SNORD118: variants seen among roughly 807,000 people sequenced by gnomAD.
SNORD118 encodes small nucleolar RNA, C/D box 118.
At chr17:8,173,458 G>A (rs746503581) in exon 1 of SNORD118, 64 of 763,882 alleles carry the variant, frequency 8.4e-5, no homozygotes, top group Middle Eastern at 2.7e-4. Flanking sequence ...GAAAGAATCA[G>A]ACAGGAGCAA....
chr17:8,173,490 T>C (rs750220113), exon 1 of SNORD118: 5 of 765,106 alleles, frequency 6.5e-6, no homozygotes, highest in Admixed American at 1.7e-5. Flanking sequence ...CAAGTCCTGA[T>C]TACGCAGAGA....
chr17:8,173,503 T>G (rs780174735), exon 1 of SNORD118: 7 of 765,136 alleles, frequency 9.1e-6, no homozygotes, highest in Non-Finnish European at 1.4e-5. Flanking sequence ...CGCAGAGACG[T>G]TAATCACGTT....
At chr17:8,173,579 A>G (rs201690858) in exon 1 of SNORD118, 7 of 763,926 alleles carry the variant, frequency 9.2e-6, no homozygotes, top group East Asian at 4.8e-5. Context: ...GGATTATCCC[A>G]CCTGACGATA....
exon 1 of SNORD118, chr17:8,173,560 A>AT (rs1429098042): frequency 6.5e-6 from 5 of 765,264 alleles, no homozygotes; most frequent in Non-Finnish European, 1.2e-5. Flanking sequence ...CCGGAGGAGG[A>AT]ACAGGTAAGG....
chr17:8,173,551 C>A (rs539261856), exon 1 of SNORD118: 1 of 765,142 alleles, frequency 1.3e-6, no homozygotes, highest in East Asian at 2.4e-5. Context: ...ATCTGCCCTC[C>A]GGAGGAGGAA....
At chr17:8,173,493 C>G (rs374602860) in exon 1 of SNORD118, 28 of 764,968 alleles carry the variant, frequency 3.7e-5, no homozygotes, top group Non-Finnish European at 5.7e-5. Flanking sequence ...GTCCTGATTA[C>G]GCAGAGACGT....
At position 8,173,521 on chromosome 17, in the gene SNORD118, T is replaced by A. The variant is rs189731051; in HGVS notation, n.67A>T. The stretch of plus-strand genomic sequence containing the variant: ...AGAGACGTTAATCACGTTTCATGCA[T>A]CTCCAATCATCATGTTCTAATCTGC... On this transcript the variant is annotated non_coding_transcript_exon_variant, in exon 1 of 1. Coordinates refer to ENST00000363593, the Ensembl canonical transcript of SNORD118. 253 of 765,340 alleles carry A rather than the reference T, an allele frequency of 3.3e-4. No homozygotes were observed. The highest frequency in any genetic ancestry group is 4.7e-4 in the Admixed American group (28 of 59,024). The allele number at this position is 765,340 out of a possible 1,614,324, so 47.4% of individuals were successfully genotyped here.
At chr17:8,173,462 G>A (rs374135155) in exon 1 of SNORD118, 43 of 763,996 alleles carry the variant, frequency 5.6e-5, no homozygotes, top group East Asian at 1.2e-4. Flanking sequence ...GAATCAGACA[G>A]GAGCAATCAG....
exon 1 of SNORD118, chr17:8,173,487 T>G (rs199918636): frequency 3.9e-6 from 3 of 765,096 alleles, no homozygotes; most frequent in Admixed American, 1.7e-5. Context: ...TTGCAAGTCC[T>G]GATTACGCAG....
exon 1 of SNORD118, chr17:8,173,489 AT>A: frequency 2.6e-6 from 2 of 765,142 alleles, no homozygotes; most frequent in Non-Finnish European, 4.8e-6. Flanking sequence ...GCAAGTCCTG[AT>A]TACGCAGAGA....
rs368022715 is a variant in SNORD118 at position 8,173,565 on chromosome 17, G to T, written n.23C>A. ...AATCTGCCCTCCGGAGGAGGAACAG[G>T]TAAGGATTATCCCACCTGACGATAC... On this transcript the variant is annotated non_coding_transcript_exon_variant, in exon 1 of 1. Transcript: ENST00000363593. 3 of 765,266 alleles carry T rather than the reference G, an allele frequency of 3.9e-6. No individual in the cohort carries two copies. The highest frequency in any genetic ancestry group is 4.8e-5 in the East Asian group (2 of 41,246). 47.4% of individuals were successfully genotyped at this position (765,266 alleles called of 1,614,324 possible).
exon 1 of SNORD118, chr17:8,173,493 CGCAGAGACGTTAATCACGTTTCAT>C: frequency 1.3e-6 from 1 of 765,086 alleles, no homozygotes; most frequent in Non-Finnish European, 2.4e-6. Context: ...GTCCTGATTA[CGCAGAGACGTTAATCACGTTTCAT>C]GCATCTCCAA....
rs886039784 is a variant in SNORD118, at chr17:8,173,532, C to T, written n.56G>A. The T allele has an allele frequency of 3.0e-5, 23 of 765,316 alleles. No homozygotes were observed. Among genetic ancestry groups the T allele is most frequent in the South Asian group, 5.4e-5 (4 of 74,626 alleles). 47.4% of individuals were successfully genotyped at this position (765,316 alleles called of 1,614,324 possible). Reference sequence around the variant, plus strand: ...TCACGTTTCATGCATCTCCAATCATCATGTTCTAATCTGCCCTCCGGAGGA... The same window carrying T: ...TCACGTTTCATGCATCTCCAATCATTATGTTCTAATCTGCCCTCCGGAGGA... On this transcript the variant is annotated non_coding_transcript_exon_variant, in exon 1 of 1. Coordinates refer to ENST00000363593, the Ensembl canonical transcript of SNORD118.
chr17:8,173,467 A>C (rs919944133), exon 1 of SNORD118: 7 of 764,404 alleles, frequency 9.2e-6, no homozygotes, highest in African/African-American at 3.4e-5. Context: ...AGACAGGAGC[A>C]ATCAGGGTGT....
chr17:8,173,519 C>CATCTCCA (rs1983814259), exon 1 of SNORD118: 1 of 765,254 alleles, frequency 1.3e-6, no homozygotes, highest in African/African-American at 1.7e-5. Context: ...ACGTTTCATG[C>CATCTCCA]ATCTCCAATC....
chr17:8,173,475 T>G lies in SNORD118; in HGVS notation n.113A>C, dbSNP rs569097222. On this transcript the variant is annotated non_coding_transcript_exon_variant, in exon 1 of 1. Coordinates refer to ENST00000363593, the Ensembl canonical transcript of SNORD118. ...AAGAATCAGACAGGAGCAATCAGGG[T>G]GTTGCAAGTCCTGATTACGCAGAGA... 20 of 764,690 alleles carry G rather than the reference T, an allele frequency of 2.6e-5. No homozygotes were observed. In the Admixed American group the frequency reaches 2.9e-4, roughly 11 times the overall value. 47.4% of individuals were successfully genotyped at this position (764,690 alleles called of 1,614,324 possible).
At chr17:8,173,563 A>C (rs754886900) in exon 1 of SNORD118, 5 of 765,332 alleles carry the variant, frequency 6.5e-6, no homozygotes, top group South Asian at 1.3e-5. Flanking sequence ...GAGGAGGAAC[A>C]GGTAAGGATT....
exon 1 of SNORD118, chr17:8,173,489 A>G (rs757122064): frequency 6.5e-5 from 50 of 765,024 alleles, no homozygotes; most frequent in South Asian, 5.0e-4. Context: ...GCAAGTCCTG[A>G]TTACGCAGAG....
At chr17:8,173,546 C>G (rs76164795) in exon 1 of SNORD118, 5 of 765,246 alleles carry the variant, frequency 6.5e-6, no homozygotes, top group South Asian at 2.7e-5. Context: ...TTCTAATCTG[C>G]CCTCCGGAGG....
Sources: allele counts gnomAD v4.1 joint callset, GRCh38; gene constraint gnomAD v4.1.1; transcripts MANE v1.5; gene names NCBI Gene and HGNC (gene_info 2026-07-23, HGNC 2026-07-21).